ESR2: variants seen among roughly 807,000 people sequenced by gnomAD.
The protein encoded by ESR2 is estrogen receptor 2, also known as estrogen receptor beta.
A neutral mutation model predicts 49.6 loss-of-function variants in ESR2; 36 were observed. That is an observed-to-expected ratio of 0.73 (90% CI 0.56 to 0.96). The LOEUF (loss-of-function observed/expected upper bound fraction) is 0.96. Among genes scored for constraint, ESR2 ranks in the 40% least tolerant of loss-of-function variants. The pLI is 0.00. For synonymous variants in ESR2, 320 were observed against 266.1 expected (o/e 1.20, Z -1.97); for missense variants, 714 against 693.0 (o/e 1.03, Z -0.34).
chr14:64,287,796 A>G (rs989989474), intron 1 of ESR2, among the ~76,000 whole-genome samples: 2 of 152,248 alleles, frequency 1.3e-5, no homozygotes, highest in Non-Finnish European at 2.9e-5. Flanking sequence ...TGGTCAAAGG[A>G]AAGACTCCCC....
At chr14:64,255,557 T>C (rs747191452) in intron 6 of ESR2, among the ~76,000 whole-genome samples, 17 of 152,226 alleles carry the variant, frequency 1.1e-4, no homozygotes, top group Non-Finnish European at 1.8e-4. Context: ...TAGTTTGCCA[T>C]TTGGCAACCC....
intron 5 of ESR2, among the ~76,000 whole-genome samples, chr14:64,259,317 C>T (rs1162215619): frequency 4.6e-5 from 7 of 152,226 alleles, no homozygotes; most frequent in Admixed American, 4.6e-4. Flanking sequence ...GGCTCTTTAC[C>T]CAAAACTTCT....
chr14:64,269,177 T>TTCC (rs2076389952), intron 3 of ESR2, among the ~76,000 whole-genome samples: 1 of 152,222 alleles, frequency 6.6e-6, no homozygotes, highest in Admixed American at 6.5e-5. Context: ...GATATAAAAA[T>TTCC]ATATCCTTTG....
At chr14:64,290,103 G>A (rs2076847573) in intron 1 of ESR2, among the ~76,000 whole-genome samples, 1 of 152,134 alleles carries the variant, frequency 6.6e-6, no homozygotes, top group Non-Finnish European at 1.5e-5. Flanking sequence ...TTATACTCTA[G>A]CTCTGTAACT....
In ESR2 at chr14:64,230,986, A is replaced by C. The variant is rs1331989793; in HGVS notation, c.*2151T>G. Reference sequence around the variant, plus strand: ...CTGCAGCCTTGATCTCCCCAGGCTCAGGTGATCCTCCCACCTCAGCCTCCC... The same window carrying C: ...CTGCAGCCTTGATCTCCCCAGGCTCCGGTGATCCTCCCACCTCAGCCTCCC... On this transcript the variant is annotated 3_prime_UTR_variant, in exon 9 of 9. Transcript: ENST00000341099. 2 of 145,714 alleles carry C rather than the reference A, an allele frequency of 1.4e-5. No homozygotes were observed. Among genetic ancestry groups the C allele is most frequent in the Non-Finnish European group, 3.0e-5 (2 of 67,428 alleles). The allele number at this position is 145,714 out of a possible 1,614,324, so 9.0% of individuals were successfully genotyped here.
chr14:64,234,893 T>C, intron 8 of ESR2, 77 bp downstream of exon 8: 1 of 1,565,682 alleles, frequency 6.4e-7, no homozygotes. Context: ...CAGACACTTT[T>C]CCCAAATCAC....
intron 3 of ESR2, among the ~76,000 whole-genome samples, chr14:64,270,808 C>T (rs995363413): frequency 1.3e-5 from 2 of 152,144 alleles, no homozygotes; most frequent in Non-Finnish European, 2.9e-5. Flanking sequence ...CCACAGCTGG[C>T]CAGAAGAGGT....
At chr14:64,268,543 C>T (rs2076377016) in intron 4 of ESR2, among the ~76,000 whole-genome samples, 1 of 152,180 alleles carries the variant, frequency 6.6e-6, no homozygotes, top group African/African-American at 2.4e-5. Context: ...TGTGGTCAGA[C>T]CACTTGAACT....
chr14:64,273,910 C>T (rs2076500709), intron 3 of ESR2, among the ~76,000 whole-genome samples: 1 of 149,294 alleles, frequency 6.7e-6, no homozygotes, highest in South Asian at 2.1e-4. Context: ...TGGATGAAGC[C>T]ATCAGTCCTG....
Position 64,284,162 on chromosome 14 carries a change from C to T in ESR2, c.-90-1087G>A, listed in dbSNP as rs550524205. ...CAGGCTGGTCTCAAACTCCTGATCT[C>T]GAGTGATCCACCTGCCTCGGTCTCC... On this transcript the variant is annotated intron_variant, in intron 1 of 8. Transcript: ENST00000341099. Among the ~76,000 whole-genome samples the T allele has an allele frequency of 3.3e-5, 5 of 152,134 alleles. No individual in the cohort carries two copies. In the East Asian group the frequency reaches 7.7e-4, roughly 24 times the overall value.
chr14:64,292,908 A>G (rs1450665182), intron 1 of ESR2, among the ~76,000 whole-genome samples: 2 of 152,212 alleles, frequency 1.3e-5, no homozygotes, highest in African/African-American at 4.8e-5. Context: ...TGTCCTAAAC[A>G]TGTTAATTGA....
rs1596482263 is a variant in ESR2 at position 64,310,305 on chromosome 14, A to ATTATTATTATT, written c.-90-27231_-90-27230insAATAATAATAA. ...CTCAAAAAATAATAATAATAATAATAATAATAATAATAATTCTGGGTGTAG... is the reference window on the plus strand; with the variant it reads ...CTCAAAAAATAATAATAATAATAATATTATTATTATTATAATAATAATAATTCTGGGTGTAG... On this transcript the variant is annotated intron_variant, in intron 1 of 8. Transcript: ENST00000358599. 2.1e-5 allele frequency among the ~76,000 whole-genome samples: 3 copies of ATTATTATTATT among 146,034 alleles called. No individual in the cohort carries two copies. The East Asian group carries it at 6.9e-4, about 33-fold the overall frequency.
chr14:64,254,923 C>A (rs1225898942), intron 6 of ESR2, among the ~76,000 whole-genome samples: 1 of 151,006 alleles, frequency 6.6e-6, no homozygotes, highest in Non-Finnish European at 1.5e-5. Flanking sequence ...TTATGTTTTA[C>A]AACATAATAC....
intron 1 of ESR2, among the ~76,000 whole-genome samples, chr14:64,307,718 G>T (rs1472559963): frequency 6.6e-6 from 1 of 151,590 alleles, no homozygotes; most frequent in African/African-American, 2.4e-5. Flanking sequence ...TGTATTTTTG[G>T]TAGAGACTGG....
intron 3 of ESR2, among the ~76,000 whole-genome samples, chr14:64,277,177 A>G (rs932433481): frequency 2.0e-5 from 3 of 152,202 alleles, no homozygotes; most frequent in African/African-American, 7.2e-5. Context: ...TCTGATGGCA[A>G]CTCATTGTGT....
chr14:64,293,856 T>C (rs186770886), intron 1 of ESR2, among the ~76,000 whole-genome samples, 177 bp downstream of exon 1: 1 of 152,346 alleles, frequency 6.6e-6, no homozygotes, highest in African/African-American at 2.4e-5. Context: ...GCCAGTGTCT[T>C]GAATGAAGAC....
chr14:64,285,100 C>T (rs930255916), intron 1 of ESR2, among the ~76,000 whole-genome samples: 21 of 152,124 alleles, frequency 1.4e-4, no homozygotes, highest in Admixed American at 5.2e-4. Flanking sequence ...TTGCCCGCCT[C>T]GGCCTCCCAA....
chr14:64,240,901 T>G (rs1386479362), intron 7 of ESR2, among the ~76,000 whole-genome samples: 1 of 151,892 alleles, frequency 6.6e-6, no homozygotes, highest in Non-Finnish European at 1.5e-5. Context: ...TCCCAGCACT[T>G]TGGGAGGCCG....
intron 5 of ESR2, 147 bp downstream of exon 5, chr14:64,260,302 T>C (rs1387964683): frequency 1.1e-5 from 9 of 835,320 alleles, no homozygotes; most frequent in South Asian, 5.4e-5. Flanking sequence ...AAGGAACATA[T>C]TGCACTTAAA....
Sources: gnomAD v4.1 joint callset for allele counts (sites outside exome capture counted in the v4.1 genomes callset) on GRCh38, gnomAD v4.1.1 for gene constraint, MANE v1.5 for transcripts, NCBI Gene and HGNC (gene_info 2026-07-23, HGNC 2026-07-21) for gene names.